SCYL1: variants seen among roughly 807,000 people sequenced by gnomAD.
The protein encoded by SCYL1 is SCY1 like pseudokinase 1, also known as N-terminal kinase-like protein.
In SCYL1, 85 loss-of-function variants were observed where a neutral mutation model predicts 94.8. The observed-to-expected ratio is 0.90, with a 90% CI of 0.75 to 1.07. SCYL1 has a LOEUF of 1.07. Among genes scored for constraint, SCYL1 ranks in the 50% least tolerant of loss-of-function variants. SCYL1 has a pLI of 0.00. For synonymous variants in SCYL1, 459 were observed against 435.5 expected (o/e 1.05, Z -0.67); for missense variants, 968 against 1,083.3 (o/e 0.89, Z 1.49).
intron 6 of SCYL1, 147 bp downstream of exon 6, chr11:65,527,264 T>G: frequency 1.2e-6 from 1 of 804,202 alleles, no homozygotes; most frequent in South Asian, 1.8e-5. Flanking sequence ...AGGCTCCAGC[T>G]CATACTTACT....
rs768113614 is a variant in SCYL1, at chr11:65,526,031, A to G, written c.363A>G (p.Leu121=). 2 of 1,612,892 alleles carry G rather than the reference A, an allele frequency of 1.2e-6. No individual in the cohort carries two copies. Among genetic ancestry groups the G allele is most frequent in the Admixed American group, 1.7e-5 (1 of 60,008 alleles). ...GLKELEISWG[L]HQIVKALSFL... ...AGGAGCTGGAGATCTCCTGGGGGCTACACCAGATCGTGGTGAGGTGGGGGG... is the reference window on the plus strand; with the variant it reads ...AGGAGCTGGAGATCTCCTGGGGGCTGCACCAGATCGTGGTGAGGTGGGGGG... The change falls in exon 3 of 18, where the codon CTA becomes CTG. Residue 121 remains leucine, a synonymous_variant. Coordinates refer to ENST00000270176, the MANE Select transcript of SCYL1 (RefSeq NM_020680.4). The surrounding 1 kb of genome is among the most constrained non-coding windows in gnomAD (Gnocchi z 4.1).
Position 65,531,652 on chromosome 11 carries a change from A to C in SCYL1, c.1085A>C (p.Asp362Ala). The change falls in exon 8 of 18, where the codon GAC becomes GCC. Residue 362 changes from aspartate (D) to alanine (A), a missense_variant. Physicochemically the swap from Asp to Ala is moderately radical, Grantham distance 126. Around this residue, in one of 2 missense-constraint regions of SCYL1, gnomAD observed 494 missense variants for 619.7 expected, o/e 0.80. Coordinates refer to ENST00000270176, the MANE Select transcript of SCYL1 (RefSeq NM_020680.4). The stretch of plus-strand genomic sequence containing the variant: ...GTGGTCAAGATGTTCTCATCCACTG[A>C]CCGGGCCATGCGCATCCGCCTCCTG... The part of the protein sequence containing the change: ...PVVVKMFSST[D>A]RAMRIRLLQQ... The C allele has an allele frequency of 6.2e-7, 1 of 1,613,828 alleles. No individual in the cohort carries two copies. The highest frequency in any genetic ancestry group is 8.5e-7 in the Non-Finnish European group (1 of 1,179,868).
At position 65,537,852 on chromosome 11, in the gene SCYL1, C is replaced by T. The variant is rs1212552571; in HGVS notation, c.2003C>T (p.Thr668Ile). 4 of 1,575,254 alleles carry T rather than the reference C, an allele frequency of 2.5e-6. No individual in the cohort carries two copies. In the Admixed American group the frequency reaches 5.6e-5, roughly 22 times the overall value. The change falls in exon 15 of 18, where the codon ACC becomes ATC. Residue 668 changes from threonine (T) to isoleucine (I), a missense_variant. Thr to Ile is a moderately conservative substitution (Grantham distance 89). Around this residue, in one of 2 missense-constraint regions of SCYL1, gnomAD observed 474 missense variants for 463.6 expected, o/e 1.02. Coordinates refer to ENST00000270176, the MANE Select transcript of SCYL1 (RefSeq NM_020680.4). ...SVLAQQDDWS[T>I]GGQVSRASQV... is the part of the protein sequence containing the mutation. ...CTGGCCCAGCAGGACGACTGGAGCA[C>T]CGGGGGCCAAGTGAGCCGTGCTAGT... is the stretch of plus-strand genomic sequence containing the variant.
At position 65,526,429 on chromosome 11, in the gene SCYL1, G is replaced by A; in HGVS notation, c.602+79G>A. The A allele has an allele frequency of 8.6e-7, 1 of 1,158,354 alleles. No homozygotes were observed. The highest frequency in any genetic ancestry group is 1.2e-6 in the Non-Finnish European group (1 of 818,806). The allele number at this position is 1,158,354 out of a possible 1,614,324, so 71.8% of individuals were successfully genotyped here. A position where few individuals can be genotyped will look rare whatever the true frequency, so the allele number is the denominator to read the frequency against. On this transcript the variant is annotated intron_variant, in intron 4 of 17. Coordinates refer to ENST00000270176, the MANE Select transcript of SCYL1 (RefSeq NM_020680.4). The surrounding 1 kb of genome is among the most constrained non-coding windows in gnomAD (Gnocchi z 4.1). ...AGCCTCAGGACTCCTAGACTAGTTGGCACTCCCCTGTTCCCTGCTGCCTGG... is the reference window on the plus strand; with the variant it reads ...AGCCTCAGGACTCCTAGACTAGTTGACACTCCCCTGTTCCCTGCTGCCTGG...
At chr11:65,538,376 C>T (rs2135107553) in intron 17 of SCYL1, 52 bp downstream of exon 17, 2 of 1,539,120 alleles carry the variant, frequency 1.3e-6, no homozygotes, top group Middle Eastern at 1.7e-4. Flanking sequence ...GACTAGCCCG[C>T]CCCTACAGGC....
rs1423445761 is a variant in SCYL1 at position 65,536,860 on chromosome 11, C to T, written c.1816+110C>T. 5 of 1,369,586 alleles carry T rather than the reference C, an allele frequency of 3.7e-6. No individual in the cohort carries two copies. In the South Asian group the frequency reaches 5.1e-5, roughly 14 times the overall value. 84.8% of individuals were successfully genotyped at this position (1,369,586 alleles called of 1,614,324 possible). A position where few individuals can be genotyped will look rare whatever the true frequency, so the allele number is the denominator to read the frequency against. On this transcript the variant is annotated intron_variant, in intron 13 of 17. Transcript: ENST00000270176. ...GGGGATGGTGAAGGGGATATAGGAGCTGGGTAGGCTCCAGTCACCCTGTGG... is the reference window on the plus strand; with the variant it reads ...GGGGATGGTGAAGGGGATATAGGAGTTGGGTAGGCTCCAGTCACCCTGTGG...
chr11:65,536,057 C>T lies in SCYL1; in HGVS notation c.1491C>T (p.Leu497=), dbSNP rs750468595. The T allele has an allele frequency of 1.2e-6, 2 of 1,614,232 alleles. No individual in the cohort carries two copies. The highest frequency in any genetic ancestry group is 2.2e-5 in the East Asian group (1 of 44,888). ...GVLGFAATHN[L]YSMNDCAQKI... ...TGGGCTTTGCTGCCACCCACAACCTCTACTCAATGAACGACTGTGCCCAGA... is the reference window on the plus strand; with the variant it reads ...TGGGCTTTGCTGCCACCCACAACCTTTACTCAATGAACGACTGTGCCCAGA... The change falls in exon 11 of 18, where the codon CTC becomes CTT. Residue 497 remains leucine, a synonymous_variant. Coordinates refer to ENST00000270176, the MANE Select transcript of SCYL1 (RefSeq NM_020680.4).
chr11:65,530,032 G>T (rs542066225), intron 6 of SCYL1, among the ~76,000 whole-genome samples: 2 of 152,316 alleles, frequency 1.3e-5, no homozygotes, highest in East Asian at 3.9e-4. Flanking sequence ...TCAAAGGGGG[G>T]TTAGGAGGAC....
chr11:65,534,239 A>G (rs1287761512), intron 9 of SCYL1, among the ~76,000 whole-genome samples: 1 of 151,300 alleles, frequency 6.6e-6, no homozygotes, highest in African/African-American at 2.4e-5. Context: ...TCAAAAAAAT[A>G]AAATAAAATA....
At chr11:65,532,908 G>T in intron 9 of SCYL1, 103 bp downstream of exon 9, 2 of 829,068 alleles carry the variant, frequency 2.4e-6, no homozygotes, top group Non-Finnish European at 2.0e-6. Flanking sequence ...GGTCCAAGCA[G>T]ACACTGTCCT....
chr11:65,536,824 C>G, intron 13 of SCYL1, 74 bp downstream of exon 13: 1 of 1,490,862 alleles, frequency 6.7e-7, no homozygotes, highest in South Asian at 1.2e-5. Context: ...CTCTTACTGT[C>G]TGACTCCCCC....
rs1855836807 is a variant in SCYL1 at position 65,538,432 on chromosome 11, C to T, written c.2303-10C>T. 1 of 1,547,466 alleles carries T rather than the reference C, an allele frequency of 6.5e-7. No homozygotes were observed. Among genetic ancestry groups the T allele is most frequent in the South Asian group, 1.2e-5 (1 of 84,424 alleles). ...AGAGCTGAGACCGGGGCTCCCCTTC[C>T]TGACGCCAGGACAGGTCAAGGCTGA... On this transcript the variant is annotated splice_polypyrimidine_tract_variant and intron_variant, in intron 17 of 17. Transcript: ENST00000270176.
chr11:65,538,270 C>A lies in SCYL1; in HGVS notation c.2248C>A (p.Pro750Thr). 1 of 1,553,424 alleles carries A rather than the reference C, an allele frequency of 6.4e-7. No homozygotes were observed. ...CTGCAGCCCACACTTCTCTTTACAG[C>A]CGAGGCCAGACTCTTGGGGTGAGGA... is the stretch of plus-strand genomic sequence containing the variant. ...ATLSARPSTQ[P>T]RPDSWGEDNW... Residue 750 changes from proline (P) to threonine (T), a missense_variant and splice_region_variant, in exon 17 of 18, where the codon CCG (proline) becomes ACG (threonine). Transcript: ENST00000270176.
chr11:65,537,766 T>C (rs1855760002), intron 14 of SCYL1, 43 bp from the exon 15 acceptor site: 1 of 1,491,116 alleles, frequency 6.7e-7, no homozygotes, highest in Non-Finnish European at 9.0e-7. Flanking sequence ...TCACTTGCCC[T>C]TTAGCATGGG....
Position 65,538,670 on chromosome 11 carries a change from T to C in SCYL1, c.*104T>C. 1 of 1,323,178 alleles carries C rather than the reference T, an allele frequency of 7.6e-7. No homozygotes were observed. Among genetic ancestry groups the C allele is most frequent in the East Asian group, 2.5e-5 (1 of 40,010 alleles). The allele number at this position is 1,323,178 out of a possible 1,614,324, so 82.0% of individuals were successfully genotyped here. A position where few individuals can be genotyped will look rare whatever the true frequency, so the allele number is the denominator to read the frequency against. ...CGGCCCAGCCAGGCCATCTCACGTG[T>C]ACATAATCAGAGCCACAATAAATTC... On this transcript the variant is annotated 3_prime_UTR_variant, in exon 18 of 18. Transcript: ENST00000270176.
rs1243816062 is a variant in SCYL1 at position 65,530,627 on chromosome 11, A to C, written c.850-2A>C. On this transcript the variant is annotated splice_acceptor_variant, in intron 6 of 17. Transcript: ENST00000270176. LOFTEE classifies it high-confidence loss of function. ...CCCCGGGTCCCGTCCTCACTCCCCC[A>C]GATCAAAGAGCCAGCCGAGAAGCAA... 1 of 1,612,096 alleles carries C rather than the reference A, an allele frequency of 6.2e-7. No individual in the cohort carries two copies. Among genetic ancestry groups the C allele is most frequent in the Non-Finnish European group, 8.5e-7 (1 of 1,178,980 alleles).
In SCYL1 at chr11:65,537,812, G is replaced by T; in HGVS notation, c.1963G>T (p.Glu655Ter). The change falls in exon 15 of 18, where the codon GAG (glutamate) becomes TAG (stop). Residue 655 changes from glutamate to a stop codon, truncating the protein, a stop_gained. Transcript: ENST00000270176. LOFTEE classifies it high-confidence loss of function. ...GTGGTCCCTTCCCACACTGCAGCAG[G>T]AGGCCGAGTCTGTGCTGGCCCAGCA... ...DDEDWGSLEQ[E>*]AESVLAQQDD... 1 of 1,561,054 alleles carries T rather than the reference G, an allele frequency of 6.4e-7. No homozygotes were observed.
Position 65,538,454 on chromosome 11 carries a change from C to A in SCYL1, c.2315C>A (p.Ala772Asp). The change falls in exon 18 of 18, where the codon GCT becomes GAT. Residue 772 changes from alanine (A) to aspartate (D), a missense_variant. Physicochemically the swap from Ala to Asp is moderately radical, Grantham distance 126. This residue lies in a region of SCYL1 where 474 missense variants were observed against 463.6 expected (regional missense o/e 1.02). Transcript: ENST00000270176. ...TTCCTGACGCCAGGACAGGTCAAGG[C>A]TGAGCTGGCCCGGAAGAAGCGCGAG... ...GLETDSRQVK[A>D]ELARKKREER... The A allele has an allele frequency of 6.4e-7, 1 of 1,563,568 alleles. No individual in the cohort carries two copies. Among genetic ancestry groups the A allele is most frequent in the East Asian group, 2.4e-5 (1 of 41,754 alleles).
chr11:65,526,652 CT>C lies in SCYL1; in HGVS notation c.603-129del. The C allele has an allele frequency of 1.2e-6, 1 of 863,884 alleles. No individual in the cohort carries two copies. Among genetic ancestry groups the C allele is most frequent in the Non-Finnish European group, 1.8e-6 (1 of 559,050 alleles). The allele number at this position is 863,884 out of a possible 1,614,324, so 53.5% of individuals were successfully genotyped here. ...TAAGTGAGGCTAATGAAACCTGCCT[CT>C]TGGGACTGATGGCTCAGCTGAGGGA... On this transcript the variant is annotated intron_variant, in intron 4 of 17. Coordinates refer to ENST00000270176, the MANE Select transcript of SCYL1 (RefSeq NM_020680.4). The surrounding 1 kb of genome is among the most constrained non-coding windows in gnomAD (Gnocchi z 4.1).
Sources: gnomAD v4.1 joint callset for allele counts (sites outside exome capture counted in the v4.1 genomes callset) on GRCh38, gnomAD v4.1.1 for gene constraint, gnomAD v4.1.1 regional missense constraint, Gnocchi (gnomAD v3.1) non-coding constraint, MANE v1.5 for transcripts, NCBI Gene and HGNC (gene_info 2026-07-23, HGNC 2026-07-21) for gene names.